The following FAM117B variants were observed in gnomAD, a reference collection of about 807,000 sequenced individuals.
The protein encoded by FAM117B is protein FAM117B.
A neutral mutation model predicts 52.8 loss-of-function variants in FAM117B; 22 were observed. The ratio of observed to expected loss-of-function variants is 0.42; its 90% CI spans 0.30 to 0.59. The LOEUF is 0.59. Among genes scored for constraint, FAM117B ranks in the 20% least tolerant of loss-of-function variants. The probability of loss-of-function intolerance (pLI) is 0.22; values close to 1 mark genes in which losing one functional copy is unlikely to be tolerated. For synonymous variants in FAM117B, 309 were observed against 324.1 expected (o/e 0.95, Z 0.50); for missense variants, 678 against 802.6 (o/e 0.84, Z 1.88).
intron 4 of FAM117B, among the ~76,000 whole-genome samples, chr2:202,745,270 ACT>A (rs368322803): frequency 2.1e-4 from 31 of 149,198 alleles, no homozygotes; most frequent in African/African-American, 7.6e-4. Flanking sequence ...ACAGAGTGAG[ACT>A]CTGTGTCAAA....
At chr2:202,718,697 C>T (rs1691100741) in intron 2 of FAM117B, among the ~76,000 whole-genome samples, 1 of 152,162 alleles carries the variant, frequency 6.6e-6, no homozygotes. Flanking sequence ...AAGATGTACT[C>T]CAGGTCTCAG....
rs781743179 is a variant in FAM117B, at chr2:202,635,603, GGCCGCCGCC to G, written c.428_436del (p.Pro143_Pro145del). 64 of 1,279,898 alleles carry G rather than the reference GGCCGCCGCC, an allele frequency of 5.0e-5. No individual in the cohort carries two copies. Among genetic ancestry groups the G allele is most frequent in the East Asian group, 6.5e-5 (2 of 30,618 alleles). The allele number at this position is 1,279,898 out of a possible 1,614,324, so 79.3% of individuals were successfully genotyped here. A position where few individuals can be genotyped will look rare whatever the true frequency, so the allele number is the denominator to read the frequency against. On this transcript the variant is annotated inframe_deletion, in exon 1 of 8. Coordinates refer to ENST00000392238, the MANE Select transcript of FAM117B (RefSeq NM_173511.4). The stretch of plus-strand genomic sequence containing the variant: ...CCTGGAGCTCGCGGGAGCCCCCCAC[GGCCGCCGCC>G]GCCGCCGCCGCTGCTGGGCACCGTG...
intron 4 of FAM117B, among the ~76,000 whole-genome samples, chr2:202,751,771 C>CAAAAAA (rs397868272): frequency 2.6e-5 from 2 of 76,192 alleles, no homozygotes; most frequent in Non-Finnish European, 4.9e-5. Context: ...GACTCCATCT[C>CAAAAAA]AAAAAAAAAA....
intron 7 of FAM117B, among the ~76,000 whole-genome samples, chr2:202,761,123 C>T (rs1424253529): frequency 6.6e-6 from 1 of 152,180 alleles, no homozygotes; most frequent in Non-Finnish European, 1.5e-5. Context: ...TCTTGAACTC[C>T]TGGGCTCAAG....
chr2:202,731,075 GTGTC>G (rs1164646619), intron 4 of FAM117B, among the ~76,000 whole-genome samples: 2 of 152,006 alleles, frequency 1.3e-5, no homozygotes, highest in African/African-American at 4.8e-5. Context: ...TAAGGCATTT[GTGTC>G]TAAACTACGT....
At chr2:202,668,643 T>C (rs1409096944) in intron 1 of FAM117B, among the ~76,000 whole-genome samples, 1 of 149,726 alleles carries the variant, frequency 6.7e-6, no homozygotes, top group African/African-American at 2.5e-5. Flanking sequence ...AATAAATAAA[T>C]AAATAAATAA....
rs763427160 is a variant in FAM117B at position 202,765,650 on chromosome 2, G to A, written c.1656G>A (p.Val552=). 1 of 1,614,064 alleles carries A rather than the reference G, an allele frequency of 6.2e-7. No homozygotes were observed. The highest frequency in any genetic ancestry group is 1.1e-5 in the South Asian group (1 of 91,084). Residue 552 remains valine (V), a synonymous_variant, in exon 8 of 8, where the codon GTG becomes GTA. Transcript: ENST00000392238. ...CCACTCTGCTGCAGCCTATTGCTGTGGCCTCCCTGTCTACAAACACAGAGC... is the reference window on the plus strand; with the variant it reads ...CCACTCTGCTGCAGCCTATTGCTGTAGCCTCCCTGTCTACAAACACAGAGC... ...MTTTLLQPIA[V]ASLSTNTEQD...
chr2:202,689,033 C>A (rs1362754623), intron 1 of FAM117B, among the ~76,000 whole-genome samples: 1 of 152,152 alleles, frequency 6.6e-6, no homozygotes, highest in East Asian at 1.9e-4. Context: ...TCTCGACATA[C>A]CCTTTTTATT....
At chr2:202,664,349 A>G (rs1343751007) in intron 1 of FAM117B, among the ~76,000 whole-genome samples, 2 of 150,646 alleles carry the variant, frequency 1.3e-5, no homozygotes, top group Non-Finnish European at 1.5e-5. Context: ...TTGGCAACAT[A>G]GTAGAATAGC....
chr2:202,765,649 T>G lies in FAM117B; in HGVS notation c.1655T>G (p.Val552Gly). Residue 552 changes from valine to glycine, a missense_variant, in exon 8 of 8, where the codon GTG becomes GGG. This residue lies in a region of FAM117B where 68 missense variants were observed against 80.6 expected (regional missense o/e 0.84). Transcript: ENST00000392238. ...ACCACTCTGCTGCAGCCTATTGCTG[T>G]GGCCTCCCTGTCTACAAACACAGAG... Reference protein sequence around the residue: ...MTTTLLQPIAVASLSTNTEQD... With the variant: ...MTTTLLQPIAGASLSTNTEQD... 1 of 1,614,200 alleles carries G rather than the reference T, an allele frequency of 6.2e-7. No homozygotes were observed. The highest frequency in any genetic ancestry group is 1.1e-5 in the South Asian group (1 of 91,086).
At chr2:202,732,097 G>T in intron 4 of FAM117B, among the ~76,000 whole-genome samples, 1 of 149,086 alleles carries the variant, frequency 6.7e-6, no homozygotes, top group Admixed American at 6.7e-5. Flanking sequence ...CACCTTGTTG[G>T]CCAGGCTGGT....
intron 1 of FAM117B, among the ~76,000 whole-genome samples, chr2:202,640,405 C>T (rs1181317187): frequency 1.5e-5 from 2 of 135,790 alleles, no homozygotes; most frequent in Non-Finnish European, 3.1e-5. Flanking sequence ...TGTATAAATT[C>T]GTTTGTTTAT....
intron 1 of FAM117B, among the ~76,000 whole-genome samples, chr2:202,643,635 C>T (rs1241018293): frequency 6.6e-6 from 1 of 152,096 alleles, no homozygotes; most frequent in East Asian, 1.9e-4. Context: ...TCTCCACTCC[C>T]TCTTCCTGCC....
intron 1 of FAM117B, among the ~76,000 whole-genome samples, chr2:202,670,021 C>T (rs546358179): frequency 1.3e-5 from 2 of 152,154 alleles, no homozygotes; most frequent in Non-Finnish European, 2.9e-5. Flanking sequence ...TTCTCACATA[C>T]TGTCTAAGTA....
intron 1 of FAM117B, among the ~76,000 whole-genome samples, chr2:202,641,876 C>T (rs574989787): frequency 1.3e-5 from 2 of 151,536 alleles, no homozygotes; most frequent in South Asian, 2.1e-4. Context: ...TGACCTCAGG[C>T]GGTCCATCCG....
intron 4 of FAM117B, among the ~76,000 whole-genome samples, chr2:202,753,818 A>C (rs1260024992): frequency 6.6e-6 from 1 of 152,212 alleles, no homozygotes; most frequent in East Asian, 1.9e-4. Flanking sequence ...TGAAAACCAC[A>C]ATGTGATACC....
At chr2:202,641,417 T>G (rs897423961) in intron 1 of FAM117B, among the ~76,000 whole-genome samples, 1 of 152,204 alleles carries the variant, frequency 6.6e-6, no homozygotes, top group Non-Finnish European at 1.5e-5. Flanking sequence ...ATATATACAT[T>G]AGAAAGTATT....
chr2:202,656,396 G>T (rs1285657136), intron 1 of FAM117B, among the ~76,000 whole-genome samples: 1 of 152,054 alleles, frequency 6.6e-6, no homozygotes, highest in East Asian at 1.9e-4. Context: ...CACAAAGTTT[G>T]ATATGTATTT....
At chr2:202,650,481 G>A (rs964567077) in intron 1 of FAM117B, among the ~76,000 whole-genome samples, 1 of 152,098 alleles carries the variant, frequency 6.6e-6, no homozygotes, top group Non-Finnish European at 1.5e-5. Flanking sequence ...CATGTATTAG[G>A]GTTATCTAGA....
Sources: allele counts gnomAD v4.1 joint callset (sites outside exome capture counted in the v4.1 genomes callset), GRCh38; gene constraint gnomAD v4.1.1; regional missense constraint gnomAD v4.1.1; transcripts MANE v1.5; gene names NCBI Gene and HGNC (gene_info 2026-07-23, HGNC 2026-07-21).